The following CELF2 variants were observed in gnomAD, a reference collection of about 807,000 sequenced individuals.
The protein encoded by CELF2 is CUGBP Elav-like family member 2.
CELF2 carries 8 observed loss-of-function variants against 62.6 expected under a neutral mutation model. That is an observed-to-expected ratio of 0.13 (90% CI 0.07 to 0.23). The LOEUF (loss-of-function observed/expected upper bound fraction) is 0.23. Ranked by LOEUF, CELF2 falls within the 10% of genes least tolerant of loss-of-function variation. The pLI, the probability that CELF2 is intolerant of heterozygous loss-of-function variation, is 1.00. For missense variants in CELF2, 333 were observed against 671.0 expected (o/e 0.50, Z 5.56); for synonymous variants, 258 against 250.0 (o/e 1.03, Z -0.30).
At chr10:11,320,722 T>C in intron 10 of CELF2, 1 of 940,070 alleles carries the variant, frequency 1.1e-6, no homozygotes, top group Non-Finnish European at 1.6e-6. Context: ...AAAAAAGTTT[T>C]ATTTCATCCT....
chr10:10,494,242 G>A, the CELF2 span, among the ~76,000 whole-genome samples: 21 of 152,198 alleles, frequency 1.4e-4, no homozygotes, highest in Non-Finnish European at 2.8e-4. Flanking sequence ...GGGATGAAAA[G>A]GTAGCAGCCT....
At chr10:10,499,891 CA>C in the CELF2 span, among the ~76,000 whole-genome samples, 2 of 152,080 alleles carry the variant, frequency 1.3e-5, no homozygotes, top group African/African-American at 4.8e-5. Context: ...GGGGGAAAAA[CA>C]GCTCCTGAAA....
chr10:11,156,657 GTGAA>G lies in CELF2; in HGVS notation c.75-8821_75-8818del, dbSNP rs1330369981. Among the ~76,000 whole-genome samples, 1 of 152,196 alleles carries G rather than the reference GTGAA, an allele frequency of 6.6e-6. No homozygotes were observed. The highest frequency in any genetic ancestry group is 6.5e-5 in the Admixed American group (1 of 15,288). On this transcript the variant is annotated intron_variant, in intron 1 of 12. Coordinates refer to ENST00000633077, the MANE Select transcript of CELF2 (RefSeq NM_001326342.2). This position sits in a 1 kb window ranked among gnomAD's most constrained non-coding sequence, Gnocchi z 4.3. The stretch of plus-strand genomic sequence containing the variant: ...AGACTCGCGTCATAAATATGATTAA[GTGAA>G]TGAATGAGACATCCCTGTCTTCAGG...
intron 1 of CELF2, among the ~76,000 whole-genome samples, chr10:11,118,152 A>G (rs1002200207): frequency 6.6e-6 from 1 of 152,080 alleles, no homozygotes; most frequent in Non-Finnish European, 1.5e-5. Context: ...TGCACAGTGA[A>G]GGTAATATAT....
chr10:10,797,239 G>A (rs986292234), upstream of CELF2, among the ~76,000 whole-genome samples: 1 of 152,030 alleles, frequency 6.6e-6, no homozygotes, highest in African/African-American at 2.4e-5. Flanking sequence ...CCCTTCCTCC[G>A]GGCTGATGCT....
In CELF2 at chr10:11,165,296, C is replaced by T. The variant is rs1596460149; in HGVS notation, c.75-190C>T. The T allele has an allele frequency of 1.4e-6, 2 of 1,401,934 alleles. No individual in the cohort carries two copies. The highest frequency in any genetic ancestry group is 1.9e-6 in the Non-Finnish European group (2 of 1,080,190). 86.8% of individuals were successfully genotyped at this position (1,401,934 alleles called of 1,614,324 possible). On this transcript the variant is annotated intron_variant, in intron 1 of 12. Transcript: ENST00000633077. The surrounding 1 kb of genome is among the most constrained non-coding windows in gnomAD (Gnocchi z 7.4). ...CAGCAGCACGCAGTGAGAGCCTCGC[C>T]GCCGCCGAGGAGCAACTCATGGTGC...
intron 2 of CELF2, among the ~76,000 whole-genome samples, chr10:10,949,601 G>A (rs1181549241): frequency 1.3e-5 from 2 of 151,648 alleles, no homozygotes; most frequent in East Asian, 3.9e-4. Context: ...AGACCAGCCT[G>A]GCCAATACAA....
chr10:10,748,932 T>A, the CELF2 span, among the ~76,000 whole-genome samples: 1 of 152,116 alleles, frequency 6.6e-6, no homozygotes, highest in African/African-American at 2.4e-5. Flanking sequence ...GGGTTTGCTG[T>A]GTTTGGTGAG....
At chr10:10,604,948 T>C in the CELF2 span, among the ~76,000 whole-genome samples, 1 of 152,192 alleles carries the variant, frequency 6.6e-6, no homozygotes, top group Non-Finnish European at 1.5e-5. Flanking sequence ...CGTGAATCAT[T>C]CTATTATAAA....
intron 2 of CELF2, chr10:10,926,922 A>G (rs188998070): frequency 1.3e-5 from 2 of 152,158 alleles, no homozygotes; most frequent in African/African-American, 4.8e-5. Context: ...CCTAGGGACA[A>G]CTTCCTCCTC....
At chr10:11,204,540 C>G (rs2059988330) in intron 2 of CELF2, among the ~76,000 whole-genome samples, 1 of 152,244 alleles carries the variant, frequency 6.6e-6, no homozygotes, top group Admixed American at 6.5e-5. Context: ...CACGCCATGC[C>G]TTGTCGGGGG....
At position 10,820,645 on chromosome 10, in the gene CELF2, A is replaced by G. The variant is rs1161964832; in HGVS notation, c.53+21828A>G. On this transcript the variant is annotated intron_variant, in intron 1 of 13. Coordinates refer to the CELF2 transcript ENST00000636488. ...AGGTACAGAGTGTTGTGAGGGTGAC[A>G]CACAGATCTCTCACTCAGTTAGGGA... Among the ~76,000 whole-genome samples, 4 of 152,182 alleles carry G rather than the reference A, an allele frequency of 2.6e-5. No individual in the cohort carries two copies. The East Asian group carries it at 7.7e-4, about 29-fold the overall frequency.
chr10:10,992,419 G>A (rs2053535457), intron 2 of CELF2, among the ~76,000 whole-genome samples: 1 of 152,190 alleles, frequency 6.6e-6, no homozygotes, highest in African/African-American at 2.4e-5. Flanking sequence ...ACGTGTTAAT[G>A]ATGAAAGCAA....
At chr10:11,034,331 A>T (rs982455200) in intron 1 of CELF2, among the ~76,000 whole-genome samples, 2 of 149,986 alleles carry the variant, frequency 1.3e-5, no homozygotes, top group East Asian at 4.1e-4. Context: ...TGAGGTAAAT[A>T]TTATAATGGG....
chr10:11,013,493 G>T (rs997133424), upstream of CELF2, among the ~76,000 whole-genome samples: 2 of 152,126 alleles, frequency 1.3e-5, no homozygotes, highest in East Asian at 1.9e-4. This position sits in a 1 kb window ranked among gnomAD's most constrained non-coding sequence, Gnocchi z 4.1. Context: ...ACTGTCTTCA[G>T]CTTGAAGGCC....
At chr10:10,943,776 TG>T (rs67844848) in intron 2 of CELF2, among the ~76,000 whole-genome samples, 2,161 of 150,590 alleles carry the variant, frequency 0.014, 80 homozygotes, top group African/African-American at 0.048. Context: ...TTTTTTGTTT[TG>T]TTTTTGGAGA....
intron 1 of CELF2, among the ~76,000 whole-genome samples, chr10:11,151,242 G>A (rs2063281652): frequency 6.6e-6 from 1 of 152,152 alleles, no homozygotes; most frequent in African/African-American, 2.4e-5. Flanking sequence ...GGCTTTTCCT[G>A]TATATTCCCT....
At chr10:10,732,934 A>C in the CELF2 span, among the ~76,000 whole-genome samples, 1 of 152,212 alleles carries the variant, frequency 6.6e-6, no homozygotes, top group African/African-American at 2.4e-5. Flanking sequence ...GAAACTCCCC[A>C]GGAAGAAAAA....
chr10:10,816,023 A>G (rs2056433812), intron 1 of CELF2, among the ~76,000 whole-genome samples: 1 of 151,888 alleles, frequency 6.6e-6, no homozygotes, highest in Admixed American at 6.6e-5. Flanking sequence ...ACTTGTGGTA[A>G]CACCATCCTC....
Sources: gnomAD v4.1 joint callset for allele counts (sites outside exome capture counted in the v4.1 genomes callset) on GRCh38, gnomAD v4.1.1 for gene constraint, Gnocchi (gnomAD v3.1) non-coding constraint, MANE v1.5 for transcripts, NCBI Gene and HGNC (gene_info 2026-07-23, HGNC 2026-07-21) for gene names.